The following OPA1 variants were observed in gnomAD, a reference collection of about 807,000 sequenced individuals.
OPA1 encodes OPA1 mitochondrial dynamin like GTPase.
Under a neutral mutation model 152.9 loss-of-function variants are expected in OPA1, and 59 were observed. The observed-to-expected ratio is 0.39, with a 90% CI of 0.31 to 0.48. The LOEUF (loss-of-function observed/expected upper bound fraction) is 0.48. Among genes scored for constraint, OPA1 ranks in the 20% least tolerant of loss-of-function variants. The pLI is 0.96. For missense variants in OPA1, 1,008 were observed against 1,216.8 expected (o/e 0.83, Z 2.55); for synonymous variants, 400 against 389.9 (o/e 1.03, Z -0.31).
chr3:193,644,680 C>CCGTG (rs1314290093), intron 16 of OPA1, among the ~76,000 whole-genome samples: 1 of 152,060 alleles, frequency 6.6e-6, no homozygotes, highest in African/African-American at 2.4e-5. Context: ...GTAAGGCCTG[C>CCGTG]CGTGGCATTA....
intron 11 of OPA1, among the ~76,000 whole-genome samples, chr3:193,639,578 T>C (rs752896796): frequency 6.6e-6 from 1 of 152,124 alleles, no homozygotes; most frequent in Non-Finnish European, 1.5e-5. Context: ...GAGCTAGCCA[T>C]GGTCGGGGCA....
chr3:193,630,594 A>G (rs571193788), intron 7 of OPA1, among the ~76,000 whole-genome samples: 7 of 152,340 alleles, frequency 4.6e-5, no homozygotes, highest in African/African-American at 1.7e-4. Context: ...TAAATAACCA[A>G]TGAATGAAGA....
At chr3:193,684,679 G>C (rs1430282548) in intron 29 of OPA1, among the ~76,000 whole-genome samples, 2 of 152,036 alleles carry the variant, frequency 1.3e-5, no homozygotes, top group Non-Finnish European at 1.5e-5. Flanking sequence ...TTGAACTCCT[G>C]ACCTCATGTG....
chr3:193,595,098 G>A (rs898240352), intron 1 of OPA1, among the ~76,000 whole-genome samples: 2 of 152,178 alleles, frequency 1.3e-5, no homozygotes, highest in African/African-American at 2.4e-5. Context: ...GCTTAAAAAT[G>A]TCTCCTGGTG....
At chr3:193,608,965 CTTT>C (rs1293102713) in intron 1 of OPA1, among the ~76,000 whole-genome samples, 8 of 152,134 alleles carry the variant, frequency 5.3e-5, no homozygotes, top group Non-Finnish European at 1.0e-4. Context: ...TAATGGCCTT[CTTT>C]GTCTCTTTTG....
At chr3:193,693,600 AC>A (rs1486216224) in intron 30 of OPA1, among the ~76,000 whole-genome samples, 4 of 152,344 alleles carry the variant, frequency 2.6e-5, no homozygotes, top group African/African-American at 9.6e-5. Context: ...AAATCGTGCC[AC>A]TGCACTCCAG....
At chr3:193,596,380 C>A (rs1377508087) in intron 1 of OPA1, among the ~76,000 whole-genome samples, 1 of 74,330 alleles carries the variant, frequency 1.3e-5, no homozygotes, top group African/African-American at 5.7e-5. Flanking sequence ...CTTTTCTTTT[C>A]TTTTCTTTTC....
chr3:193,625,942 C>T (rs1172846018), intron 6 of OPA1, 150 bp from the exon 7 acceptor site: 1 of 692,800 alleles, frequency 1.4e-6, no homozygotes, highest in South Asian at 1.6e-5. Flanking sequence ...CGGTACAGAG[C>T]CCAAGGGTAT....
At chr3:193,599,221 G>A (rs1016138354) in intron 1 of OPA1, among the ~76,000 whole-genome samples, 1 of 151,876 alleles carries the variant, frequency 6.6e-6, no homozygotes, top group East Asian at 1.9e-4. Context: ...ATTCTACTCA[G>A]GAACTCTGTA....
Position 193,658,879 on chromosome 3 carries a change from A to G in OPA1, c.2332-8A>G. ...CAAGTTGGCTTTTTCTCTTCTTGTT[A>G]TTTTCAGAGGGTTATTCAACACAAT... On this transcript the variant is annotated splice_region_variant and splice_polypyrimidine_tract_variant and intron_variant, in intron 23 of 30. Transcript: ENST00000361510. 1.2e-6 allele frequency: 2 copies of G among 1,604,822 alleles called. No individual in the cohort carries two copies. The highest frequency in any genetic ancestry group is 1.7e-6 in the Non-Finnish European group (2 of 1,171,702).
At chr3:193,633,751 ACACTTACAG>A (rs1577216591) in intron 8 of OPA1, among the ~76,000 whole-genome samples, 2 of 152,364 alleles carry the variant, frequency 1.3e-5, no homozygotes. Flanking sequence ...GAGGTATTTT[ACACTTACAG>A]CACAACCTCA....
intron 20 of OPA1, chr3:193,648,499 T>C (rs1423457524): frequency 2.6e-6 from 1 of 387,452 alleles, no homozygotes; most frequent in African/African-American, 2.0e-5. Context: ...CATTAATATA[T>C]AGTTACTGAT....
At chr3:193,633,825 C>T (rs1052661575) in intron 8 of OPA1, among the ~76,000 whole-genome samples, 8 of 151,986 alleles carry the variant, frequency 5.3e-5, no homozygotes, top group East Asian at 1.9e-4. Flanking sequence ...TAGTAGCTGC[C>T]GTGTTAAACA....
intron 13 of OPA1, 152 bp from the exon 14 acceptor site, chr3:193,643,221 A>G (rs1353907119): frequency 3.5e-6 from 3 of 862,684 alleles, no homozygotes; most frequent in Non-Finnish European, 5.6e-6. Flanking sequence ...CAGAATAATT[A>G]CTTTTAGGAT....
rs749882061 is a variant in OPA1 at position 193,643,020 on chromosome 3, G to A, written c.1276G>A (p.Val426Met). ...AATAGAACTTCGAATGAGGAAAAAT[G>A]TGAAAGAAGGCTGTACCGTTAGCCC... ...HEIELRMRKN[V>M]KEGCTVSPET... Residue 426 changes from valine to methionine, a missense_variant, in exon 13 of 31, where the codon GTG becomes ATG. Physicochemically the swap from Val to Met is conservative, Grantham distance 21. Around this residue, in one of 7 missense-constraint regions of OPA1, gnomAD observed 213 missense variants for 291.4 expected, o/e 0.73. Transcript: ENST00000361510. 6.2e-7 allele frequency: 1 copy of A among 1,613,894 alleles called. No homozygotes were observed. The highest frequency in any genetic ancestry group is 8.5e-7 in the Non-Finnish European group (1 of 1,179,788).
chr3:193,603,525 T>C (rs1470899009), intron 1 of OPA1: 1 of 152,244 alleles, frequency 6.6e-6, no homozygotes, highest in African/African-American at 2.4e-5. Context: ...CTCATCTGTT[T>C]GGAGTCCATT....
At chr3:193,647,269 CT>C in intron 19 of OPA1, 89 bp downstream of exon 19, 1 of 798,962 alleles carries the variant, frequency 1.3e-6, no homozygotes. Context: ...TACTTCTTTC[CT>C]TTAACAGTTG....
intron 8 of OPA1, 124 bp downstream of exon 8, chr3:193,631,789 T>C (rs928396451): frequency 5.2e-6 from 4 of 775,228 alleles, no homozygotes; most frequent in African/African-American, 1.7e-5. Context: ...TAGAACCTTA[T>C]TATTATCGAT....
At chr3:193,664,762 C>A in intron 26 of OPA1, 118 bp from the exon 27 acceptor site, 2 of 680,780 alleles carry the variant, frequency 2.9e-6, no homozygotes, top group Non-Finnish European at 5.2e-6. Context: ...AAAGAATAAC[C>A]TTGCTTTTGC....
Sources: allele counts gnomAD v4.1 joint callset (sites outside exome capture counted in the v4.1 genomes callset), GRCh38; gene constraint gnomAD v4.1.1; regional missense constraint gnomAD v4.1.1; transcripts MANE v1.5; gene names NCBI Gene and HGNC (gene_info 2026-07-23, HGNC 2026-07-21).